The following CRPPA variants were observed in gnomAD, a reference collection of about 807,000 sequenced individuals.
CRPPA encodes the protein CDP-L-ribitol pyrophosphorylase A.
Under a neutral mutation model 52.0 loss-of-function variants are expected in CRPPA, and 43 were observed. The observed-to-expected ratio is 0.83, with a 90% CI of 0.65 to 1.07. The LOEUF (loss-of-function observed/expected upper bound fraction) is 1.07, where lower values mean the gene tolerates loss of function less well. Ranked by LOEUF, CRPPA falls within the 50% of genes least tolerant of loss-of-function variation. CRPPA has a pLI of 0.00. For missense variants in CRPPA, 629 were observed against 551.7 expected (o/e 1.14, Z -1.40); for synonymous variants, 250 against 203.5 (o/e 1.23, Z -1.94).
At chr7:16,104,532 T>C (rs10950603) in intron 9 of CRPPA, among the ~76,000 whole-genome samples, 22,388 of 152,246 alleles carry the variant, frequency 0.15, 1,951 homozygotes, top group East Asian at 0.21. Context: ...GTTTCAACTA[T>C]AGAGGTGGGC....
At chr7:16,129,432 GT>G (rs1439879693) in intron 9 of CRPPA, among the ~76,000 whole-genome samples, 1 of 151,908 alleles carries the variant, frequency 6.6e-6, no homozygotes, top group Non-Finnish European at 1.5e-5. Context: ...CCTCAAGAAA[GT>G]CTTTGATCTC....
intron 3 of CRPPA, among the ~76,000 whole-genome samples, chr7:16,372,728 A>G (rs903108579): frequency 6.6e-6 from 1 of 152,212 alleles, no homozygotes; most frequent in South Asian, 2.1e-4. Flanking sequence ...TATATGCTGT[A>G]TTAAAAGACA....
At chr7:16,346,819 CACT>C (rs757700304) in intron 3 of CRPPA, among the ~76,000 whole-genome samples, 6 of 151,936 alleles carry the variant, frequency 3.9e-5, no homozygotes, top group Non-Finnish European at 8.8e-5. Context: ...CTTGCACCTC[CACT>C]ACTATAAAAA....
intron 8 of CRPPA, chr7:16,247,828 T>A (rs1308437017): frequency 6.6e-6 from 1 of 152,316 alleles, no homozygotes; most frequent in East Asian, 1.9e-4. Context: ...AATTCTATTT[T>A]AAAACTAGTT....
At chr7:16,110,693 A>G (rs1206430825) in intron 9 of CRPPA, among the ~76,000 whole-genome samples, 1 of 152,138 alleles carries the variant, frequency 6.6e-6, no homozygotes, top group Non-Finnish European at 1.5e-5. Flanking sequence ...ACATAATGTG[A>G]AACGGATAAT....
At chr7:16,119,039 G>A (rs917535203) in intron 9 of CRPPA, among the ~76,000 whole-genome samples, 47 of 152,134 alleles carry the variant, frequency 3.1e-4, no homozygotes, top group African/African-American at 9.6e-4. Flanking sequence ...CCCGGTCTCC[G>A]AAGGAGTCTT....
chr7:16,107,777 T>TA (rs755444791), intron 9 of CRPPA, among the ~76,000 whole-genome samples: 2 of 152,108 alleles, frequency 1.3e-5, no homozygotes, highest in East Asian at 3.9e-4. Flanking sequence ...TATGAGAGTT[T>TA]AAAAAAACAC....
intron 5 of CRPPA, among the ~76,000 whole-genome samples, chr7:16,278,798 G>T (rs1208205457): frequency 6.6e-6 from 1 of 152,154 alleles, no homozygotes; most frequent in South Asian, 2.1e-4. Context: ...GAGATGGTCC[G>T]ATTTAAAATT....
intron 6 of CRPPA, among the ~76,000 whole-genome samples, chr7:16,264,785 A>G (rs968698982): frequency 6.6e-6 from 1 of 152,182 alleles, no homozygotes; most frequent in Admixed American, 6.5e-5. Context: ...CCTTTCTAGC[A>G]TTCAGCATTT....
chr7:16,419,660 C>A (rs1788280429), intron 1 of CRPPA, among the ~76,000 whole-genome samples: 1 of 152,062 alleles, frequency 6.6e-6, no homozygotes, highest in African/African-American at 2.4e-5. Context: ...TCAGCTGACA[C>A]CACCCAACCC....
At chr7:16,132,732 T>C (rs1393114213) in intron 9 of CRPPA, among the ~76,000 whole-genome samples, 1 of 124,798 alleles carries the variant, frequency 8.0e-6, no homozygotes, top group African/African-American at 2.6e-5. Context: ...CTTGTAAAAA[T>C]TGGCAAACAT....
intron 3 of CRPPA, among the ~76,000 whole-genome samples, chr7:16,332,188 C>T (rs1216086100): frequency 2.0e-5 from 3 of 152,078 alleles, no homozygotes; most frequent in African/African-American, 4.8e-5. Flanking sequence ...CGAATACCTA[C>T]CTAGAATTCT....
chr7:16,105,565 GAGGTCCT>G (rs1782134405), intron 9 of CRPPA, among the ~76,000 whole-genome samples: 1 of 152,160 alleles, frequency 6.6e-6, no homozygotes, highest in Admixed American at 6.5e-5. Context: ...AAAGGAGGCA[GAGGTCCT>G]AGTGATCATG....
chr7:16,110,313 T>C (rs1782235264), intron 9 of CRPPA, among the ~76,000 whole-genome samples: 3 of 152,110 alleles, frequency 2.0e-5, no homozygotes, highest in South Asian at 2.1e-4. Flanking sequence ...TGTTCACATA[T>C]TGGAAGAATT....
chr7:16,259,061 TA>T, intron 6 of CRPPA, 49 bp from the exon 7 acceptor site: 1 of 1,270,684 alleles, frequency 7.9e-7, no homozygotes, highest in Non-Finnish European at 1.1e-6. Context: ...AGACCAAACA[TA>T]AACATCTTTG....
chr7:16,396,469 G>A (rs1787571669), intron 2 of CRPPA, among the ~76,000 whole-genome samples: 1 of 152,358 alleles, frequency 6.6e-6, no homozygotes, highest in East Asian at 1.9e-4. Flanking sequence ...CACTGCTGGT[G>A]AGAATATATA....
chr7:16,292,488 G>C (rs1444692385), intron 5 of CRPPA, among the ~76,000 whole-genome samples: 2 of 151,866 alleles, frequency 1.3e-5, no homozygotes, highest in Non-Finnish European at 2.9e-5. Context: ...GGAAGAATTA[G>C]AATTCAAGCC....
At position 16,192,908 on chromosome 7, in the gene CRPPA, T is replaced by A. The variant is rs374332291; in HGVS notation, c.1251+23158A>T. Among the ~76,000 whole-genome samples, 8 of 152,258 alleles carry A rather than the reference T, an allele frequency of 5.3e-5. No homozygotes were observed. The East Asian group carries it at 1.5e-3, about 29-fold the overall frequency. The stretch of plus-strand genomic sequence containing the variant: ...GGGTCTATTTCTAGACTATTTTAAT[T>A]CCTCTACTTATTTTTCTCACACCAA... On this transcript the variant is annotated intron_variant, in intron 9 of 9. Coordinates refer to ENST00000407010, the MANE Select transcript of CRPPA (RefSeq NM_001101426.4).
At chr7:16,149,385 T>A (rs577970431) in intron 9 of CRPPA, among the ~76,000 whole-genome samples, 11 of 152,186 alleles carry the variant, frequency 7.2e-5, no homozygotes, top group Non-Finnish European at 1.3e-4. Flanking sequence ...TCCATGATAA[T>A]ATTACAGAAT....
Sources: allele counts gnomAD v4.1 joint callset (sites outside exome capture counted in the v4.1 genomes callset), GRCh38; gene constraint gnomAD v4.1.1; transcripts MANE v1.5; gene names NCBI Gene and HGNC (gene_info 2026-07-23, HGNC 2026-07-21).